The following GLIS3 variants were observed in gnomAD, a reference collection of about 807,000 sequenced individuals.
The protein encoded by GLIS3 is GLIS family zinc finger 3, also known as zinc finger protein GLIS3.
A neutral mutation model predicts 78.6 loss-of-function variants in GLIS3; 53 were observed. That is an observed-to-expected ratio of 0.67 (90% CI 0.54 to 0.85). The LOEUF (loss-of-function observed/expected upper bound fraction) is 0.85. Among genes scored for constraint, GLIS3 ranks in the 40% least tolerant of loss-of-function variants. The pLI is 0.00. For missense variants in GLIS3, 1,703 were observed against 1,231.1 expected (o/e 1.38, Z -5.74); for synonymous variants, 684 against 509.9 (o/e 1.34, Z -4.60).
At chr9:4,216,844 A>G (rs1349489492) in intron 2 of GLIS3, among the ~76,000 whole-genome samples, 1 of 152,242 alleles carries the variant, frequency 6.6e-6, no homozygotes, top group African/African-American at 2.4e-5. Flanking sequence ...TGAAGCAGAC[A>G]AGGAATGTCA....
At chr9:4,422,709 C>T in the GLIS3 span, among the ~76,000 whole-genome samples, 8 of 152,164 alleles carry the variant, frequency 5.3e-5, no homozygotes, top group Non-Finnish European at 8.8e-5. Flanking sequence ...GAGATCAGAG[C>T]CCTGAAGAAA....
Position 3,929,534 on chromosome 9 carries a change from C to T in GLIS3, c.1983+2826G>A, listed in dbSNP as rs865881674. Among the ~76,000 whole-genome samples the T allele has an allele frequency of 1.5e-4, 23 of 151,958 alleles. 1 individual carries two copies. Among genetic ancestry groups the T allele is most frequent in the African/African-American group, 5.6e-4 (23 of 41,378 alleles). On this transcript the variant is annotated intron_variant, in intron 6 of 10. Coordinates refer to ENST00000381971, the MANE Select transcript of GLIS3 (RefSeq NM_001042413.2). ...GCTATGGGTGCCTTGTCACTGGCCCCGATTCCACAGTAGGACTCATAAAAC... is the reference window on the plus strand; with the variant it reads ...GCTATGGGTGCCTTGTCACTGGCCCTGATTCCACAGTAGGACTCATAAAAC...
chr9:4,262,334 T>A (rs962043998), intron 2 of GLIS3, among the ~76,000 whole-genome samples: 2 of 152,112 alleles, frequency 1.3e-5, no homozygotes, highest in African/African-American at 4.8e-5. Flanking sequence ...ACTCAGTGGC[T>A]CACAGAAACA....
the GLIS3 span, among the ~76,000 whole-genome samples, chr9:4,406,976 G>C: frequency 6.6e-6 from 1 of 152,080 alleles, no homozygotes; most frequent in Non-Finnish European, 1.5e-5. Context: ...AAAAGACCCA[G>C]AATAGCCAAA....
intron 6 of GLIS3, among the ~76,000 whole-genome samples, chr9:3,928,385 C>G (rs1016911896): frequency 6.6e-6 from 1 of 152,222 alleles, no homozygotes; most frequent in African/African-American, 2.4e-5. Flanking sequence ...GCCGTCTAGA[C>G]CATGACTGAA....
intron 2 of GLIS3, among the ~76,000 whole-genome samples, chr9:4,242,895 A>C (rs1344237103): frequency 6.6e-6 from 1 of 152,188 alleles, no homozygotes; most frequent in Non-Finnish European, 1.5e-5. Context: ...TGGCTACTAA[A>C]ATTTTTAAAT....
intron 4 of GLIS3, among the ~76,000 whole-genome samples, chr9:3,989,253 T>C (rs1007494799): frequency 5.3e-5 from 8 of 152,186 alleles, no homozygotes; most frequent in East Asian, 1.9e-4. Context: ...CAATACCAAA[T>C]ACTGGCAAAG....
chr9:3,887,262 C>T (rs1013873702), intron 7 of GLIS3, among the ~76,000 whole-genome samples: 1 of 152,118 alleles, frequency 6.6e-6, no homozygotes, highest in African/African-American at 2.4e-5. Flanking sequence ...CCTTGACATG[C>T]TACCACAAGC....
intron 2 of GLIS3, among the ~76,000 whole-genome samples, chr9:4,187,474 T>C (rs930650342): frequency 3.9e-5 from 6 of 152,182 alleles, no homozygotes; most frequent in African/African-American, 1.4e-4. Context: ...GACTTGGCGA[T>C]GTGGGCTCTT....
intron 7 of GLIS3, among the ~76,000 whole-genome samples, chr9:3,881,313 C>T (rs1821714588): frequency 6.6e-6 from 1 of 151,924 alleles, no homozygotes; most frequent in Non-Finnish European, 1.5e-5. Context: ...TGTGAGTTCT[C>T]CTATTTATTT....
intron 2 of GLIS3, among the ~76,000 whole-genome samples, chr9:4,337,952 G>C (rs1300295112): frequency 2.0e-5 from 3 of 151,980 alleles, no homozygotes. Flanking sequence ...CCAAGCAGGA[G>C]CTAGGACCCA....
At chr9:4,051,911 T>C (rs1357690145) in intron 4 of GLIS3, among the ~76,000 whole-genome samples, 1 of 152,218 alleles carries the variant, frequency 6.6e-6, no homozygotes, top group Non-Finnish European at 1.5e-5. Flanking sequence ...TTATAGATGA[T>C]ACATACATGT....
At chr9:4,316,474 A>G (rs1362282974) in intron 2 of GLIS3, among the ~76,000 whole-genome samples, 1 of 152,238 alleles carries the variant, frequency 6.6e-6, no homozygotes, top group Non-Finnish European at 1.5e-5. Flanking sequence ...TCATTTTGTG[A>G]TAACATTGAT....
At chr9:4,307,207 T>G (rs1473337628) in intron 4 of GLIS3, among the ~76,000 whole-genome samples, 3 of 152,170 alleles carry the variant, frequency 2.0e-5, no homozygotes, top group Admixed American at 6.5e-5. Flanking sequence ...CAGCCTCCCT[T>G]GGCTCCAGGG....
chr9:3,929,380 T>A (rs771382989), intron 6 of GLIS3, among the ~76,000 whole-genome samples: 89 of 152,160 alleles, frequency 5.8e-4, no homozygotes, highest in Non-Finnish European at 1.2e-3. Context: ...GCTTGAATAA[T>A]GTTTAGCTGG....
the GLIS3 span, among the ~76,000 whole-genome samples, chr9:4,382,898 G>A: frequency 7.9e-5 from 12 of 152,142 alleles, no homozygotes; most frequent in Non-Finnish European, 8.8e-5. Flanking sequence ...TGTCACTACT[G>A]CCTAATTAAT....
chr9:4,184,681 G>A (rs937578442), intron 2 of GLIS3, among the ~76,000 whole-genome samples: 1 of 152,192 alleles, frequency 6.6e-6, no homozygotes, highest in Non-Finnish European at 1.5e-5. Flanking sequence ...TGGTTGGAGG[G>A]GAGATTTAGA....
chr9:3,880,575 C>A (rs1821659700), intron 7 of GLIS3, among the ~76,000 whole-genome samples: 1 of 152,112 alleles, frequency 6.6e-6, no homozygotes, highest in Non-Finnish European at 1.5e-5. Flanking sequence ...CTACTAATAT[C>A]AAAGAATAAA....
Position 3,828,751 on chromosome 9 carries a change from A to G in GLIS3, c.2657-343T>C, listed in dbSNP as rs1227688513. Among the ~76,000 whole-genome samples, 3 of 152,202 alleles carry G rather than the reference A, an allele frequency of 2.0e-5. No individual in the cohort carries two copies. The East Asian group carries it at 5.8e-4, about 29-fold the overall frequency. On this transcript the variant is annotated intron_variant, in intron 10 of 10. Coordinates refer to ENST00000381971, the MANE Select transcript of GLIS3 (RefSeq NM_001042413.2). ...TCACAGATGAAGAAATAGGGAAAGA[A>G]CATTCCAGAAGGAGGAAACAAAGAG...
Sources: allele counts gnomAD v4.1 joint callset (sites outside exome capture counted in the v4.1 genomes callset), GRCh38; gene constraint gnomAD v4.1.1; transcripts MANE v1.5; gene names NCBI Gene and HGNC (gene_info 2026-07-23, HGNC 2026-07-21).